CADM2: variants seen among roughly 807,000 people sequenced by gnomAD.
CADM2 encodes the protein cell adhesion molecule 2.
CADM2 carries 12 observed loss-of-function variants against 49.8 expected under a neutral mutation model. The observed-to-expected ratio is 0.24, with a 90% confidence interval of 0.15 to 0.39. The LOEUF is 0.39. Ranked by LOEUF, CADM2 falls within the 10% of genes least tolerant of loss-of-function variation. CADM2 has a pLI of 1.00. For synonymous variants in CADM2, 214 were observed against 175.4 expected (o/e 1.22, Z -1.74); for missense variants, 378 against 492.3 (o/e 0.77, Z 2.20).
chr3:85,490,481 G>A (rs2107645597), intron 1 of CADM2, among the ~76,000 whole-genome samples: 1 of 152,174 alleles, frequency 6.6e-6, no homozygotes, highest in East Asian at 1.9e-4. Context: ...CAATTTGGGA[G>A]GCCAAGGTAG....
chr3:85,288,200 C>T (rs923758094), intron 1 of CADM2, among the ~76,000 whole-genome samples: 4 of 151,912 alleles, frequency 2.6e-5, no homozygotes, highest in South Asian at 2.1e-4. Context: ...CTCTAAAATG[C>T]GTTTAATATT....
chr3:85,289,234 T>G (rs9839991), intron 1 of CADM2, among the ~76,000 whole-genome samples: 152,291 of 152,294 alleles, frequency 1, 76,144 homozygotes, highest in Middle Eastern at 1. Context: ...ATTATAACAT[T>G]CTGTCTCCAC....
intron 1 of CADM2, among the ~76,000 whole-genome samples, chr3:85,035,137 C>T (rs145156872): frequency 6.8e-4 from 103 of 152,138 alleles, no homozygotes; most frequent in African/African-American, 2.4e-3. Flanking sequence ...AATGGTATCT[C>T]GCTGCAGTTT....
chr3:85,184,670 C>T (rs1006557416), intron 1 of CADM2, among the ~76,000 whole-genome samples: 4 of 151,962 alleles, frequency 2.6e-5, no homozygotes, highest in Non-Finnish European at 2.9e-5. Flanking sequence ...CATAAGCACT[C>T]ATGAGAGATA....
intron 2 of CADM2, among the ~76,000 whole-genome samples, chr3:85,751,849 T>C (rs538238456): frequency 6.6e-6 from 1 of 152,272 alleles, no homozygotes; most frequent in South Asian, 2.1e-4. Flanking sequence ...ATGACCTTTA[T>C]AAATATCAGA....
At chr3:85,780,037 A>G (rs548147242) in intron 2 of CADM2, among the ~76,000 whole-genome samples, 97 of 152,338 alleles carry the variant, frequency 6.4e-4, no homozygotes, top group African/African-American at 2.3e-3. Flanking sequence ...TTAAGCTTCC[A>G]TAACACTTAA....
intron 1 of CADM2, among the ~76,000 whole-genome samples, chr3:85,037,696 T>G (rs2035275930): frequency 6.6e-6 from 1 of 152,192 alleles, no homozygotes; most frequent in African/African-American, 2.4e-5. Flanking sequence ...TTTATCTTAT[T>G]GCATTATATA....
At chr3:85,975,115 T>C (rs1009297694) in intron 8 of CADM2, among the ~76,000 whole-genome samples, 6 of 151,430 alleles carry the variant, frequency 4.0e-5, no homozygotes, top group Non-Finnish European at 1.5e-5. Context: ...TATAAAGATA[T>C]ATTTAAAGTT....
At chr3:85,052,605 C>T (rs1352488925) in intron 1 of CADM2, among the ~76,000 whole-genome samples, 1 of 151,934 alleles carries the variant, frequency 6.6e-6, no homozygotes, top group Admixed American at 6.6e-5. Context: ...CCATTTTCTT[C>T]AATAAAAAAT....
chr3:85,615,565 C>A (rs1037673215), intron 1 of CADM2, among the ~76,000 whole-genome samples: 1 of 151,678 alleles, frequency 6.6e-6, no homozygotes, highest in South Asian at 2.1e-4. Context: ...CTTTTCTTTC[C>A]TTTTATTGTC....
chr3:85,718,624 C>T (rs1307410001), intron 1 of CADM2, among the ~76,000 whole-genome samples: 1 of 151,814 alleles, frequency 6.6e-6, no homozygotes, highest in Non-Finnish European at 1.5e-5. Flanking sequence ...AGAAAAAGAT[C>T]ATGTAAACAT....
At chr3:86,005,180 G>C (rs1730631541) in intron 8 of CADM2, among the ~76,000 whole-genome samples, 1 of 152,264 alleles carries the variant, frequency 6.6e-6, no homozygotes, top group Non-Finnish European at 1.5e-5. Context: ...TATGAATAAT[G>C]CTTAGTTCAG....
intron 1 of CADM2, among the ~76,000 whole-genome samples, chr3:85,620,688 A>G (rs1456732815): frequency 6.6e-6 from 1 of 152,132 alleles, no homozygotes; most frequent in Non-Finnish European, 1.5e-5. Flanking sequence ...TGCAATCCTT[A>G]AAACATCTTT....
intron 1 of CADM2, among the ~76,000 whole-genome samples, chr3:85,504,599 C>T (rs1202206735): frequency 2.0e-5 from 3 of 152,198 alleles, no homozygotes; most frequent in Non-Finnish European, 4.4e-5. Context: ...AATTCAGGAG[C>T]CCAGCTGGCT....
At chr3:85,699,673 A>T (rs1425492869) in intron 1 of CADM2, among the ~76,000 whole-genome samples, 3 of 152,232 alleles carry the variant, frequency 2.0e-5, no homozygotes, top group Admixed American at 6.5e-5. Context: ...ACAGAGCAGT[A>T]GAGTCCTGGG....
At chr3:85,495,085 A>G (rs2039833151) in intron 1 of CADM2, among the ~76,000 whole-genome samples, 1 of 152,198 alleles carries the variant, frequency 6.6e-6, no homozygotes, top group African/African-American at 2.4e-5. Flanking sequence ...ACATTTCGCA[A>G]TCAGGTAAAT....
intron 1 of CADM2, among the ~76,000 whole-genome samples, chr3:85,560,046 G>T (rs1426787272): frequency 6.6e-6 from 1 of 152,056 alleles, no homozygotes; most frequent in African/African-American, 2.4e-5. Context: ...GAATTAATTC[G>T]CCCCTCTTCT....
intron 8 of CADM2, among the ~76,000 whole-genome samples, chr3:85,969,422 G>T (rs1473826022): frequency 6.6e-6 from 1 of 151,298 alleles, no homozygotes; most frequent in East Asian, 2.0e-4. Flanking sequence ...AAGAAATGCT[G>T]CCAGAAATGC....
At chr3:85,379,890 T>C (rs2033804680) in intron 1 of CADM2, among the ~76,000 whole-genome samples, 1 of 152,078 alleles carries the variant, frequency 6.6e-6, no homozygotes, top group Non-Finnish European at 1.5e-5. Flanking sequence ...CAGCTTTCAT[T>C]ATTTCCTCTG....
Sources: allele counts gnomAD v4.1 joint callset (sites outside exome capture counted in the v4.1 genomes callset), GRCh38; gene constraint gnomAD v4.1.1; transcripts MANE v1.5; gene names NCBI Gene and HGNC (gene_info 2026-07-23, HGNC 2026-07-21).